Variants in TG observed in about 807,000 individuals in gnomAD.
TG encodes thyroglobulin.
Under a neutral mutation model 324.7 loss-of-function variants are expected in TG, and 270 were observed. That is an observed-to-expected ratio of 0.83 (90% confidence interval 0.75 to 0.92). The LOEUF is 0.92. Ranked by LOEUF, TG falls within the 40% of genes least tolerant of loss-of-function variation. The probability of loss-of-function intolerance (pLI) is 0.00; values close to 1 mark genes in which losing one functional copy is unlikely to be tolerated. For missense variants in TG, 3,591 were observed against 3,456.4 expected (o/e 1.04, Z -0.98); for synonymous variants, 1,401 against 1,327.0 (o/e 1.06, Z -1.21).
intron 41 of TG, among the ~76,000 whole-genome samples, chr8:133,071,271 G>A (rs1026486204): frequency 2.6e-5 from 4 of 152,160 alleles, no homozygotes; most frequent in African/African-American, 4.8e-5. Flanking sequence ...TTGTCTAACC[G>A]GGGAAACCAA....
At chr8:133,058,956 G>C (rs1158292306) in intron 41 of TG, 1 of 480,518 alleles carries the variant, frequency 2.1e-6, no homozygotes, top group Non-Finnish European at 4.2e-6. Context: ...TGCTGGCTTG[G>C]GGGCATTGGA....
At chr8:132,984,515 C>T (rs1356346051) in intron 35 of TG, among the ~76,000 whole-genome samples, 1 of 152,156 alleles carries the variant, frequency 6.6e-6, no homozygotes, top group Non-Finnish European at 1.5e-5. Context: ...GGCTTAGAGA[C>T]AGATAAGGTT....
Position 133,004,552 on chromosome 8 carries a change from C to T in TG, c.6263-7349C>T, listed in dbSNP as rs549024075. Among the ~76,000 whole-genome samples, 11 of 152,300 alleles carry T rather than the reference C, an allele frequency of 7.2e-5. No homozygotes were observed. The East Asian group carries it at 2.1e-3, about 29-fold the overall frequency. On this transcript the variant is annotated intron_variant, in intron 35 of 47. Transcript: ENST00000220616. Reference sequence around the variant, plus strand: ...CTTTCCTCCAGTGCCTCAGTGTCCCCATCTGTTATGAAGATCAATGCGAGT... The same window carrying T: ...CTTTCCTCCAGTGCCTCAGTGTCCCTATCTGTTATGAAGATCAATGCGAGT...
intron 35 of TG, among the ~76,000 whole-genome samples, chr8:133,011,509 C>T (rs894930833): frequency 2.0e-5 from 3 of 152,094 alleles, no homozygotes; most frequent in Non-Finnish European, 4.4e-5. Flanking sequence ...AGCATAGTAC[C>T]ACATGATTAA....
At position 132,873,292 on chromosome 8, in the gene TG, G is replaced by T. The variant is rs989268480; in HGVS notation, c.638+71G>T. 4 of 1,581,128 alleles carry T rather than the reference G, an allele frequency of 2.5e-6. No homozygotes were observed. The Admixed American group carries it at 6.9e-5, about 27-fold the overall frequency. ...CAGCCCACACTCACCTTGAGCTGGG[G>T]GCCTCCATGTGTCATATGTGCAGCA... is the stretch of plus-strand genomic sequence containing the variant. On this transcript the variant is annotated intron_variant, in intron 5 of 47. Transcript: ENST00000220616.
chr8:132,997,358 T>C (rs1303449362), intron 35 of TG, among the ~76,000 whole-genome samples: 1 of 152,202 alleles, frequency 6.6e-6, no homozygotes, highest in Non-Finnish European at 1.5e-5. Flanking sequence ...AAGCACCGAA[T>C]ATATAAGCAT....
chr8:132,922,574 T>A (rs1178659996), intron 21 of TG, among the ~76,000 whole-genome samples: 1 of 152,182 alleles, frequency 6.6e-6, no homozygotes, highest in Non-Finnish European at 1.5e-5. Flanking sequence ...GGCTGGGACG[T>A]CCAGAGATGT....
rs114196514 is a variant in TG, at chr8:132,881,952, G to A, written c.728G>A (p.Arg243Gln). Residue 243 changes from arginine to glutamine, a missense_variant, in exon 6 of 48, where the codon CGG (arginine) becomes CAG (glutamine). By Grantham distance (43) the Arg-to-Gln change is conservative. Coordinates refer to ENST00000220616, the MANE Select transcript of TG (RefSeq NM_003235.5). ...TGCCACTGTGCTGACAGCCAAGGGC[G>A]GGAACTGGCTGAGACAGGTGAGTGA... Reference protein sequence around the residue: ...GYCHCADSQGRELAETGLELL... With the variant: ...GYCHCADSQGQELAETGLELL... 6.2e-6 allele frequency: 10 copies of A among 1,613,238 alleles called. No homozygotes were observed. Among genetic ancestry groups the A allele is most frequent in the East Asian group, 2.2e-5 (1 of 44,896 alleles).
intron 45 of TG, among the ~76,000 whole-genome samples, chr8:133,120,137 T>A (rs1323495115): frequency 6.6e-6 from 1 of 152,174 alleles, no homozygotes. Context: ...CCACTGACTC[T>A]TTTGTCTGGT....
At chr8:132,905,411 G>A (rs1027617186) in intron 16 of TG, among the ~76,000 whole-genome samples, 1 of 152,128 alleles carries the variant, frequency 6.6e-6, no homozygotes, top group African/African-American at 2.4e-5. Context: ...AAAAGACCAG[G>A]TTTGGTTCTG....
At chr8:133,037,045 A>G (rs1192942004) in intron 41 of TG, 1 of 152,238 alleles carries the variant, frequency 6.6e-6, no homozygotes, top group Non-Finnish European at 1.5e-5. Flanking sequence ...AGAATCTATG[A>G]TACAGAAAAC....
intron 45 of TG, among the ~76,000 whole-genome samples, chr8:133,123,759 T>G (rs1195954112): frequency 6.6e-6 from 1 of 152,222 alleles, no homozygotes; most frequent in Non-Finnish European, 1.5e-5. Context: ...CCCCAGCAAG[T>G]GTAGAAGAGA....
At chr8:133,000,154 G>C (rs1311178092) in intron 35 of TG, among the ~76,000 whole-genome samples, 1 of 152,218 alleles carries the variant, frequency 6.6e-6, no homozygotes, top group Non-Finnish European at 1.5e-5. Flanking sequence ...CTTAACAAAT[G>C]TTAGTGAGTA....
At chr8:132,911,575 C>T (rs762619707) in intron 19 of TG, 42 bp downstream of exon 19, 1 of 1,539,626 alleles carries the variant, frequency 6.5e-7, no homozygotes, top group Admixed American at 1.7e-5. Context: ...GCTATGCAGC[C>T]TCTCTGAGTC....
intron 41 of TG, chr8:133,045,124 G>A (rs2131146933): frequency 6.2e-7 from 1 of 1,614,022 alleles, no homozygotes; most frequent in Non-Finnish European, 8.5e-7. Context: ...CCCTGCAGGA[G>A]GTGGAGGATA....
At chr8:133,030,209 CT>C (rs1242603040) in intron 41 of TG, among the ~76,000 whole-genome samples, 186 bp downstream of exon 41, 1 of 152,196 alleles carries the variant, frequency 6.6e-6, no homozygotes, top group Non-Finnish European at 1.5e-5. Context: ...GCTCTCCTGA[CT>C]TTTTTCCACT....
At chr8:133,081,904 CAA>C (rs1242540863) in intron 41 of TG, among the ~76,000 whole-genome samples, 3 of 152,182 alleles carry the variant, frequency 2.0e-5, no homozygotes, top group Admixed American at 6.5e-5. Flanking sequence ...AGGCCCCACT[CAA>C]GAGAACACAG....
At chr8:132,997,755 T>C (rs1833017534) in intron 35 of TG, among the ~76,000 whole-genome samples, 1 of 152,168 alleles carries the variant, frequency 6.6e-6, no homozygotes, top group Non-Finnish European at 1.5e-5. Context: ...GCTATGAAAG[T>C]AAGAGAACAA....
At chr8:132,879,101 T>C (rs1814274864) in intron 5 of TG, among the ~76,000 whole-genome samples, 1 of 152,234 alleles carries the variant, frequency 6.6e-6, no homozygotes, top group African/African-American at 2.4e-5. Context: ...TAAACAATCT[T>C]CATGGTGCTA....
Sources: gnomAD v4.1 joint callset for allele counts (sites outside exome capture counted in the v4.1 genomes callset) on GRCh38, gnomAD v4.1.1 for gene constraint, MANE v1.5 for transcripts, NCBI Gene and HGNC (gene_info 2026-07-23, HGNC 2026-07-21) for gene names.